ATP2B2: variants seen among roughly 807,000 people sequenced by gnomAD.
The protein encoded by ATP2B2 is plasma membrane calcium-transporting ATPase 2.
Under a neutral mutation model 120.0 loss-of-function variants are expected in ATP2B2, and 15 were observed. The ratio of observed to expected loss-of-function variants is 0.12; its 90% CI spans 0.08 to 0.19. The LOEUF is 0.19. Among genes scored for constraint, ATP2B2 ranks in the 10% least tolerant of loss-of-function variants. The pLI, the probability that ATP2B2 is intolerant of heterozygous loss-of-function variation, is 1.00. For synonymous variants in ATP2B2, 694 were observed against 700.3 expected (o/e 0.99, Z 0.14); for missense variants, 1,045 against 1,719.8 (o/e 0.61, Z 6.94).
At chr3:10,338,444 C>T (rs2060187299) in intron 21 of ATP2B2, 86 bp from the exon 22 acceptor site, 5 of 1,406,776 alleles carry the variant, frequency 3.6e-6, no homozygotes, top group Middle Eastern at 1.9e-4. Flanking sequence ...TACCTCCCTC[C>T]TCCTACCCGC....
Position 10,690,702 on chromosome 3 carries a change from G to A in ATP2B2, c.-460+17213C>T, listed in dbSNP as rs142746444. ...GCAGGGTTTGTCCGAGTGCACCAGG[G>A]CTGTGTGGAGAAGAAAAGAAGGGCA... On this transcript the variant is annotated intron_variant, in intron 1 of 21. Coordinates refer to the ATP2B2 transcript ENST00000646379. Among the ~76,000 whole-genome samples the A allele has an allele frequency of 1.3e-3, 198 of 152,254 alleles. 2 individuals are homozygous for A. The East Asian group carries it at 0.019, about 15-fold the overall frequency.
In ATP2B2 at chr3:10,386,518, T is replaced by C; in HGVS notation, c.908-6A>G. On this transcript the variant is annotated splice_polypyrimidine_tract_variant and splice_region_variant and intron_variant, in intron 6 of 22. Transcript: ENST00000360273. ...GCCATCCCCCTTCTTCACACCTGTG[T>C]GATGATTTTTGAGACATGTTAATGA... The C allele has an allele frequency of 6.2e-7, 1 of 1,614,144 alleles. No homozygotes were observed. The highest frequency in any genetic ancestry group is 8.5e-7 in the Non-Finnish European group (1 of 1,179,976).
chr3:10,530,392 AC>A (rs1359935455), intron 3 of ATP2B2, among the ~76,000 whole-genome samples: 1 of 152,228 alleles, frequency 6.6e-6, no homozygotes, highest in East Asian at 1.9e-4. Context: ...CACAGCCGGG[AC>A]CTGCACCTGG....
chr3:10,448,675 C>T (rs1161629763), intron 2 of ATP2B2, among the ~76,000 whole-genome samples: 1 of 152,226 alleles, frequency 6.6e-6, no homozygotes, highest in Non-Finnish European at 1.5e-5. Context: ...GTCACCCTTC[C>T]TATCACATCC....
intron 2 of ATP2B2, among the ~76,000 whole-genome samples, chr3:10,589,423 G>T (rs1184369459): frequency 1.3e-5 from 2 of 152,234 alleles, no homozygotes; most frequent in African/African-American, 2.4e-5. Context: ...GGTAGAAATG[G>T]TTGTGCTGAG....
At chr3:10,422,798 G>T (rs2063029078) in intron 2 of ATP2B2, among the ~76,000 whole-genome samples, 1 of 152,232 alleles carries the variant, frequency 6.6e-6, no homozygotes, top group Non-Finnish European at 1.5e-5. Context: ...GGCACACAGA[G>T]GCTGTGTTCC....
chr3:10,362,633 T>G (rs1575017373), intron 12 of ATP2B2, among the ~76,000 whole-genome samples: 2 of 152,120 alleles, frequency 1.3e-5, no homozygotes, highest in African/African-American at 4.8e-5. Flanking sequence ...ACGGGGGCCG[T>G]GGATAGGGAG....
intron 5 of ATP2B2, among the ~76,000 whole-genome samples, chr3:10,398,966 C>T (rs990783404): frequency 3.3e-5 from 5 of 152,294 alleles, no homozygotes; most frequent in African/African-American, 4.8e-5. Context: ...CATCTCTGCC[C>T]GTCGTATCTT....
intron 1 of ATP2B2, among the ~76,000 whole-genome samples, chr3:10,652,539 C>A (rs2070493710): frequency 2.6e-5 from 4 of 152,128 alleles, no homozygotes; most frequent in Admixed American, 2.6e-4. Context: ...AGAGACAGAA[C>A]CAGCATGACG....
At chr3:10,546,665 C>A (rs979942474) in intron 2 of ATP2B2, among the ~76,000 whole-genome samples, 4 of 152,156 alleles carry the variant, frequency 2.6e-5, no homozygotes, top group African/African-American at 9.7e-5. Flanking sequence ...ATAAATTAGC[C>A]CCCAAAGTCC....
rs185044984 is a variant in ATP2B2 at position 10,692,529 on chromosome 3, C to T, written c.-460+15386G>A. ...GGATCCCTGGGTCTGAAATGATTCT[C>T]TTGGTGACCTCAAGAGCATCTTCAT... On this transcript the variant is annotated intron_variant, in intron 1 of 21. Transcript: ENST00000646379. Among the ~76,000 whole-genome samples, 12 of 152,298 alleles carry T rather than the reference C, an allele frequency of 7.9e-5. No individual in the cohort carries two copies. The East Asian group carries it at 1.2e-3, about 15-fold the overall frequency.
intron 2 of ATP2B2, among the ~76,000 whole-genome samples, chr3:10,594,803 A>AT (rs2068726894): frequency 1.3e-5 from 2 of 152,142 alleles, no homozygotes; most frequent in South Asian, 4.1e-4. Context: ...GATTACTTCA[A>AT]TTTTTTAGCT....
intron 1 of ATP2B2, among the ~76,000 whole-genome samples, chr3:10,695,259 A>G (rs1052939246): frequency 9.9e-5 from 15 of 151,140 alleles, no homozygotes; most frequent in Admixed American, 6.6e-5. Flanking sequence ...AGGGAGAGAG[A>G]GAGAGAGAGA....
In ATP2B2 at chr3:10,543,826, C is replaced by A. The variant is rs76531913; in HGVS notation, c.-414-9693G>T. 4.2e-4 allele frequency among the ~76,000 whole-genome samples: 64 copies of A among 151,930 alleles called. No individual in the cohort carries two copies. The East Asian group carries it at 0.012, about 29-fold the overall frequency. On this transcript the variant is annotated intron_variant, in intron 2 of 21. Coordinates refer to the ATP2B2 transcript ENST00000646379. ...TGATCTCAGCTCACTGCAACCTCCACCTCCTGGGTTCGAGAAATTCTCCTG... is the reference window on the plus strand; with the variant it reads ...TGATCTCAGCTCACTGCAACCTCCAACTCCTGGGTTCGAGAAATTCTCCTG...
intron 2 of ATP2B2, among the ~76,000 whole-genome samples, chr3:10,592,678 G>T (rs2068672443): frequency 6.6e-6 from 1 of 152,160 alleles, no homozygotes; most frequent in African/African-American, 2.4e-5. Flanking sequence ...GAGAGTGATG[G>T]TGCTCCCACA....
chr3:10,461,152 G>A (rs1456832800), intron 1 of ATP2B2, among the ~76,000 whole-genome samples: 1 of 152,224 alleles, frequency 6.6e-6, no homozygotes, highest in African/African-American at 2.4e-5. Flanking sequence ...AATGATGCAG[G>A]TACCAGCAGG....
At chr3:10,530,971 T>C (rs2067198094) in intron 3 of ATP2B2, among the ~76,000 whole-genome samples, 1 of 152,206 alleles carries the variant, frequency 6.6e-6, no homozygotes, top group Admixed American at 6.5e-5. Flanking sequence ...ACATTTTCCA[T>C]AAACGTTTTC....
rs748901363 is a variant in ATP2B2 at position 10,358,644 on chromosome 3, TC to T, written c.2136+46del. The T allele has an allele frequency of 1.1e-5, 17 of 1,598,182 alleles. No individual in the cohort carries two copies. In the South Asian group the frequency reaches 1.9e-4, roughly 18 times the overall value. On this transcript the variant is annotated intron_variant, in intron 14 of 22. Coordinates refer to ENST00000360273, the MANE Select transcript of ATP2B2 (RefSeq NM_001001331.4). ...CTCCAGGTCACCCTGGTGGCTGGCC[TC>T]CCAGCCTCATCCCCTTTCCCTGAGC...
intron 2 of ATP2B2, among the ~76,000 whole-genome samples, chr3:10,553,844 C>T (rs534359626): frequency 5.9e-5 from 9 of 152,184 alleles, no homozygotes; most frequent in East Asian, 1.9e-4. Flanking sequence ...GGTTGCTAAG[C>T]GGCCCTATGA....
Sources: gnomAD v4.1 joint callset for allele counts (sites outside exome capture counted in the v4.1 genomes callset) on GRCh38, gnomAD v4.1.1 for gene constraint, MANE v1.5 for transcripts, NCBI Gene and HGNC (gene_info 2026-07-23, HGNC 2026-07-21) for gene names.